Variants in CALN1 observed in about 807,000 individuals in gnomAD.
CALN1 encodes the protein calneuron 1.
CALN1 carries 17 observed loss-of-function variants against 30.6 expected under a neutral mutation model. The ratio of observed to expected loss-of-function variants is 0.56; its 90% CI spans 0.38 to 0.83. CALN1 has a LOEUF of 0.83. Ranked by LOEUF, CALN1 falls within the 40% of genes least tolerant of loss-of-function variation. The pLI is 0.00. For synonymous variants in CALN1, 156 were observed against 131.4 expected (o/e 1.19, Z -1.28); for missense variants, 291 against 354.9 (o/e 0.82, Z 1.45).
At chr7:72,310,873 G>A (rs1799990783) in intron 2 of CALN1, among the ~76,000 whole-genome samples, 2 of 141,702 alleles carry the variant, frequency 1.4e-5, no homozygotes, top group Non-Finnish European at 3.0e-5. Context: ...ACTGCACTCT[G>A]TCGCCAGCCT....
At chr7:72,492,871 C>G in the CALN1 span, among the ~76,000 whole-genome samples, 1 of 152,186 alleles carries the variant, frequency 6.6e-6, no homozygotes. Context: ...ATGTTCGATC[C>G]TCAGAAAATC....
chr7:72,106,317 G>C (rs1424957881), intron 3 of CALN1, 23 bp from the exon 4 acceptor site: 2 of 1,613,100 alleles, frequency 1.2e-6, no homozygotes, highest in Middle Eastern at 1.7e-4. Context: ...AGCAAAGAAA[G>C]TCCAGTGGTC....
chr7:72,403,338 T>A lies in CALN1; in HGVS notation c.32A>T (p.Lys11Met). 6.5e-7 allele frequency: 1 copy of A among 1,549,336 alleles called. No homozygotes were observed. The highest frequency in any genetic ancestry group is 8.7e-7 in the Non-Finnish European group (1 of 1,146,966). The part of the protein sequence containing the change: MRLPEQPGEG[K>M]PENEKKGDGG... ...GTCCCCCTTTTTCTCATTCTCGGGC[T>A]TCCCCTCTCCGGGTTGCTCTGGCAG... The change falls in exon 2 of 7, where the codon AAG becomes ATG. Residue 11 changes from lysine to methionine, a missense_variant. This residue lies in a region of CALN1 where 122 missense variants were observed against 103.2 expected (regional missense o/e 1.18). Transcript: ENST00000395275.
intron 4 of CALN1, among the ~76,000 whole-genome samples, chr7:72,099,270 CTCCTTT>C (rs1806471073): frequency 8.8e-6 from 1 of 113,486 alleles, no homozygotes; most frequent in Admixed American, 1.2e-4. Context: ...GCCCCAAACA[CTCCTTT>C]TTTTTTTTTT....
At chr7:72,319,015 A>G (rs2129557097) in intron 2 of CALN1, among the ~76,000 whole-genome samples, 1 of 152,298 alleles carries the variant, frequency 6.6e-6, no homozygotes, top group East Asian at 1.9e-4. Flanking sequence ...CATTTGATCC[A>G]ACAATCCCAC....
At chr7:71,937,390 A>G (rs1205870560) in intron 5 of CALN1, among the ~76,000 whole-genome samples, 2 of 151,534 alleles carry the variant, frequency 1.3e-5, no homozygotes, top group East Asian at 2.0e-4. Context: ...AAATATGTAT[A>G]TATGTATTTA....
chr7:72,425,862 T>C (rs1807784963), intron 1 of CALN1, among the ~76,000 whole-genome samples: 1 of 152,122 alleles, frequency 6.6e-6, no homozygotes, highest in Admixed American at 6.5e-5. Context: ...CTCTGTCCCT[T>C]AGGGAGATGG....
intron 4 of CALN1, among the ~76,000 whole-genome samples, chr7:72,102,041 T>A (rs541799288): frequency 1.8e-4 from 27 of 152,318 alleles, no homozygotes; most frequent in African/African-American, 6.3e-4. Context: ...GCTTATTTTA[T>A]TTTTAAGATG....
intron 3 of CALN1, among the ~76,000 whole-genome samples, chr7:72,222,922 G>A (rs779216425): frequency 2.6e-5 from 4 of 152,156 alleles, no homozygotes; most frequent in African/African-American, 4.8e-5. Flanking sequence ...TCGGGAGGTT[G>A]AGGCAGGAGG....
chr7:72,397,734 A>ACACACACAC, intron 2 of CALN1, among the ~76,000 whole-genome samples: 3 of 151,450 alleles, frequency 2.0e-5, no homozygotes, highest in Non-Finnish European at 4.4e-5. Flanking sequence ...ACACACACAC[A>ACACACACAC]CACACACACA....
chr7:72,401,568 C>G (rs1276445941), intron 2 of CALN1, among the ~76,000 whole-genome samples: 1 of 152,206 alleles, frequency 6.6e-6, no homozygotes, highest in East Asian at 1.9e-4. Flanking sequence ...AGTTCATGTT[C>G]AGCCCCAAAG....
intron 2 of CALN1, among the ~76,000 whole-genome samples, chr7:72,360,131 A>G (rs1024898891): frequency 1.4e-4 from 22 of 152,168 alleles, no homozygotes; most frequent in Non-Finnish European, 2.6e-4. Context: ...AAAACAAACT[A>G]TAAAGGACAT....
intron 2 of CALN1, among the ~76,000 whole-genome samples, chr7:72,296,982 T>TTG (rs1310401805): frequency 6.6e-6 from 1 of 152,162 alleles, no homozygotes; most frequent in Non-Finnish European, 1.5e-5. Context: ...TTGAATGTGT[T>TTG]TGCTCTTGCT....
At chr7:72,217,153 G>A (rs1792886065) in intron 3 of CALN1, among the ~76,000 whole-genome samples, 1 of 152,140 alleles carries the variant, frequency 6.6e-6, no homozygotes, top group Non-Finnish European at 1.5e-5. Flanking sequence ...CACGGACCAA[G>A]GTGCAGGCAT....
intron 3 of CALN1, among the ~76,000 whole-genome samples, chr7:72,261,498 C>T (rs1298769026): frequency 1.3e-5 from 2 of 151,620 alleles, no homozygotes; most frequent in African/African-American, 2.4e-5. Flanking sequence ...GATCATAGCT[C>T]ACTGCAGCCT....
chr7:72,342,245 C>T lies in CALN1; in HGVS notation c.119+61006G>A, dbSNP rs1359516213. On this transcript the variant is annotated intron_variant, in intron 2 of 6. Coordinates refer to ENST00000395275, the MANE Select transcript of CALN1 (RefSeq NM_031468.4). ...CTGCACTCCAACTTGGGTGAAAGAC[C>T]AAGACTTTGTCTCAAAAAAAAAAAA... Among the ~76,000 whole-genome samples, 3 of 121,956 alleles carry T rather than the reference C, an allele frequency of 2.5e-5. No homozygotes were observed. In the South Asian group the frequency reaches 8.1e-4, roughly 33 times the overall value. The allele number at this position is 121,956 out of a possible 152,430, so 80.0% of individuals were successfully genotyped here. A position where few individuals can be genotyped will look rare whatever the true frequency, so the allele number is the denominator to read the frequency against.
chr7:72,287,435 ATTTTTT>A (rs71069052), intron 2 of CALN1, among the ~76,000 whole-genome samples: 9 of 68,040 alleles, frequency 1.3e-4, no homozygotes, highest in East Asian at 9.7e-4. Context: ...CACCAAATTA[ATTTTTT>A]TTTTTTTTTT....
At chr7:72,162,471 T>C (rs895950353) in intron 3 of CALN1, among the ~76,000 whole-genome samples, 1 of 152,038 alleles carries the variant, frequency 6.6e-6, no homozygotes, top group African/African-American at 2.4e-5. Context: ...TGGTGGCTCA[T>C]AGCTGTGGTC....
chr7:71,932,698 T>TC lies in CALN1; in HGVS notation c.501+90958dup, dbSNP rs763625813. On this transcript the variant is annotated intron_variant, in intron 5 of 6. Transcript: ENST00000395275. ...TGGGCGTGGTGGCGGGCACCTGTAG[T>TC]CCAGCTACTCGGGAGGCTGAGGCAG... 2.3e-3 allele frequency among the ~76,000 whole-genome samples: 339 copies of TC among 150,492 alleles called. 4 individuals carry two copies. Among genetic ancestry groups the TC allele is most frequent in the Non-Finnish European group, 2.2e-3 (150 of 67,770 alleles).
Sources: gnomAD v4.1 joint callset for allele counts (sites outside exome capture counted in the v4.1 genomes callset) on GRCh38, gnomAD v4.1.1 for gene constraint, gnomAD v4.1.1 regional missense constraint, MANE v1.5 for transcripts, NCBI Gene and HGNC (gene_info 2026-07-23, HGNC 2026-07-21) for gene names.